The following BMP5 variants were observed in gnomAD, a reference collection of about 807,000 sequenced individuals.
The protein encoded by BMP5 is bone morphogenetic protein 5.
A neutral mutation model predicts 46.6 loss-of-function variants in BMP5; 23 were observed. The ratio of observed to expected loss-of-function variants is 0.49; its 90% CI spans 0.35 to 0.70. BMP5 has a LOEUF of 0.70. BMP5 is among the 30% of genes least tolerant of loss of function. The pLI is 0.00. For synonymous variants in BMP5, 204 were observed against 191.9 expected, an observed-to-expected ratio of 1.06 and a Z score of -0.52; for missense variants, 545 against 565.6, an observed-to-expected ratio of 0.96 and a Z score of 0.37.
intron 1 of BMP5, among the ~76,000 whole-genome samples, chr6:55,850,677 C>T (rs1424791835): frequency 1.3e-5 from 2 of 152,174 alleles, no homozygotes; most frequent in Admixed American, 6.6e-5. Context: ...TTGATAAAGG[C>T]ACTGCCATTC....
intron 2 of BMP5, among the ~76,000 whole-genome samples, chr6:55,805,242 T>C (rs1775960189): frequency 6.6e-6 from 1 of 152,204 alleles, no homozygotes; most frequent in South Asian, 2.1e-4. Flanking sequence ...TTTATTTATT[T>C]AATTATTTTA....
chr6:55,848,979 TA>T (rs1457800554), intron 1 of BMP5, among the ~76,000 whole-genome samples: 1 of 152,076 alleles, frequency 6.6e-6, no homozygotes, highest in African/African-American at 2.4e-5. Flanking sequence ...TGACTGTTAT[TA>T]AAAATGGGAT....
intron 2 of BMP5, among the ~76,000 whole-genome samples, chr6:55,801,818 A>G (rs1775854925): frequency 6.6e-6 from 1 of 152,186 alleles, no homozygotes; most frequent in Non-Finnish European, 1.5e-5. Context: ...ATGAACTTCC[A>G]GAATGCCTTA....
intron 1 of BMP5, among the ~76,000 whole-genome samples, chr6:55,844,023 G>A (rs1777034768): frequency 1.3e-5 from 2 of 151,914 alleles, no homozygotes; most frequent in South Asian, 4.1e-4. Context: ...ATGATCTAGG[G>A]AGAAGCTTGA....
intron 3 of BMP5, among the ~76,000 whole-genome samples, chr6:55,780,285 A>G (rs1775277501): frequency 6.6e-6 from 1 of 151,686 alleles, no homozygotes; most frequent in Admixed American, 6.6e-5. Context: ...GTACCCTGAC[A>G]CACTGATATG....
Position 55,754,217 on chromosome 6 carries a change from T to A in BMP5, c.*1316A>T, listed in dbSNP as rs1306921398. Reference sequence around the variant, plus strand: ...AAATAGCAAGTTATCAATCTAAAGATCATTCTTCAAAAAGTCAGTGTGTGT... The same window carrying A: ...AAATAGCAAGTTATCAATCTAAAGAACATTCTTCAAAAAGTCAGTGTGTGT... On this transcript the variant is annotated 3_prime_UTR_variant, in exon 7 of 7. Coordinates refer to ENST00000370830, the MANE Select transcript of BMP5 (RefSeq NM_021073.4). The A allele has an allele frequency of 6.6e-6, 1 of 151,834 alleles. No homozygotes were observed. The highest frequency in any genetic ancestry group is 1.5e-5 in the Non-Finnish European group (1 of 67,900). The allele number at this position is 151,834 out of a possible 1,614,324, so 9.4% of individuals were successfully genotyped here.
chr6:55,781,558 C>G (rs1361581405), intron 3 of BMP5, among the ~76,000 whole-genome samples: 1 of 151,582 alleles, frequency 6.6e-6, no homozygotes, highest in Non-Finnish European at 1.5e-5. Flanking sequence ...GGGAAACTTA[C>G]TGAGTATCTA....
intron 6 of BMP5, 135 bp downstream of exon 6, chr6:55,758,870 G>T: frequency 2.8e-6 from 2 of 715,368 alleles, no homozygotes; most frequent in Non-Finnish European, 5.0e-6. Flanking sequence ...TGTTACTTCA[G>T]CTCTAAAAAG....
chr6:55,846,213 C>T (rs955069642), intron 1 of BMP5, among the ~76,000 whole-genome samples: 2 of 151,952 alleles, frequency 1.3e-5, no homozygotes, highest in South Asian at 2.1e-4. Context: ...GAATGTTCAA[C>T]TTGGAGAGCA....
At chr6:55,849,974 T>C (rs1777187760) in intron 1 of BMP5, among the ~76,000 whole-genome samples, 1 of 152,106 alleles carries the variant, frequency 6.6e-6, no homozygotes, top group Non-Finnish European at 1.5e-5. Flanking sequence ...AAACTTGTGC[T>C]TAAACAGCAT....
At chr6:55,850,396 C>T (rs9475431) in intron 1 of BMP5, among the ~76,000 whole-genome samples, 1 of 97,156 alleles carries the variant, frequency 1.0e-5, no homozygotes, top group Admixed American at 9.8e-5. Flanking sequence ...ATAGATAGAT[C>T]GATAGATATA....
intron 2 of BMP5, among the ~76,000 whole-genome samples, chr6:55,801,772 C>G (rs1213820114): frequency 2.0e-5 from 3 of 152,194 alleles, no homozygotes; most frequent in Non-Finnish European, 2.9e-5. Context: ...AATCTGTCTT[C>G]TTTGTCCATG....
At chr6:55,800,319 GACA>G (rs1425556965) in intron 2 of BMP5, among the ~76,000 whole-genome samples, 1 of 152,118 alleles carries the variant, frequency 6.6e-6, no homozygotes, top group African/African-American at 2.4e-5. Context: ...AATCATTTCA[GACA>G]ACATGTGAAT....
chr6:55,837,237 T>C (rs529657520), intron 1 of BMP5, among the ~76,000 whole-genome samples: 2 of 152,154 alleles, frequency 1.3e-5, no homozygotes, highest in African/African-American at 2.4e-5. Context: ...CTAATTATGA[T>C]AATTAACACA....
In BMP5 at chr6:55,755,347, C is replaced by T. The variant is rs1442610743; in HGVS notation, c.*186G>A. ...GAAATAGATTTTATTGATAAAGCCT[C>T]CACAGAAGAGAATATATACGTTTAA... On this transcript the variant is annotated 3_prime_UTR_variant, in exon 7 of 7. Coordinates refer to ENST00000370830, the MANE Select transcript of BMP5 (RefSeq NM_021073.4). 5.3e-6 allele frequency: 3 copies of T among 568,762 alleles called. No homozygotes were observed. Among genetic ancestry groups the T allele is most frequent in the Admixed American group, 3.3e-5 (1 of 30,678 alleles). The allele number at this position is 568,762 out of a possible 1,614,324, so 35.2% of individuals were successfully genotyped here. A position where few individuals can be genotyped will look rare whatever the true frequency, so the allele number is the denominator to read the frequency against.
At position 55,780,473 on chromosome 6, in the gene BMP5, AGAAAG is replaced by A. The variant is rs796689529; in HGVS notation, c.833-6235_833-6231del. On this transcript the variant is annotated intron_variant, in intron 3 of 6. Transcript: ENST00000370830. ...ATCACTACTAAAAAAAAAAAAAAAA[AGAAAG>A]AAAGAAAGAAAGAAAGAAAGAAACG... Among the ~76,000 whole-genome samples the A allele has an allele frequency of 2.5e-3, 318 of 125,126 alleles. 5 individuals are homozygous for A. Among genetic ancestry groups the A allele is most frequent in the Middle Eastern group, 4.4e-3 (1 of 228 alleles). 82.1% of individuals were successfully genotyped at this position (125,126 alleles called of 152,430 possible). A position where few individuals can be genotyped will look rare whatever the true frequency, so the allele number is the denominator to read the frequency against.
intron 2 of BMP5, among the ~76,000 whole-genome samples, chr6:55,815,467 A>T (rs1776237288): frequency 6.6e-6 from 1 of 152,222 alleles, no homozygotes; most frequent in African/African-American, 2.4e-5. Flanking sequence ...CCAGGTAAAG[A>T]TATACATGCA....
At chr6:55,838,586 CATGTG>C (rs954929624) in intron 1 of BMP5, among the ~76,000 whole-genome samples, 43 of 152,212 alleles carry the variant, frequency 2.8e-4, no homozygotes, top group Admixed American at 2.0e-3. Flanking sequence ...TCTCCCACTC[CATGTG>C]ATGTCTCTTC....
intron 1 of BMP5, among the ~76,000 whole-genome samples, chr6:55,852,564 G>A (rs1777272132): frequency 1.3e-5 from 2 of 151,868 alleles, no homozygotes; most frequent in Admixed American, 6.6e-5. Context: ...GTCTCTGAGT[G>A]CTCTTTACAT....
Sources: gnomAD v4.1 joint callset for allele counts (sites outside exome capture counted in the v4.1 genomes callset) on GRCh38, gnomAD v4.1.1 for gene constraint, MANE v1.5 for transcripts, NCBI Gene and HGNC (gene_info 2026-07-23, HGNC 2026-07-21) for gene names.